ADGRG7: variants seen among roughly 807,000 people sequenced by gnomAD.
The protein encoded by ADGRG7 is adhesion G protein-coupled receptor G7.
In ADGRG7, 82 loss-of-function variants were observed where a neutral mutation model predicts 88.6. That is an observed-to-expected ratio of 0.93 (90% CI 0.77 to 1.11). ADGRG7 has a LOEUF of 1.11. Ranked by LOEUF, ADGRG7 falls within the 50% of genes most tolerant of loss-of-function variation. ADGRG7 has a pLI of 0.00. For missense variants in ADGRG7, 945 were observed against 953.4 expected (o/e 0.99, Z 0.12); for synonymous variants, 381 against 345.2 (o/e 1.10, Z -1.15).
chr3:100,671,399 G>A (rs893357558), intron 15 of ADGRG7, among the ~76,000 whole-genome samples: 1 of 152,246 alleles, frequency 6.6e-6, no homozygotes, highest in Non-Finnish European at 1.5e-5. Context: ...TGATAGCGCT[G>A]TTTGTTTTAT....
intron 4 of ADGRG7, 43 bp downstream of exon 4, chr3:100,633,420 G>T: frequency 8.9e-7 from 1 of 1,117,698 alleles, no homozygotes; most frequent in Non-Finnish European, 1.3e-6. Context: ...AAGAAGTTCT[G>T]ATTCCGTGCA....
At chr3:100,655,755 A>G (rs971742141) in intron 12 of ADGRG7, 144 bp from the exon 13 acceptor site, 64 of 551,062 alleles carry the variant, frequency 1.2e-4, no homozygotes, top group Admixed American at 5.5e-5. Flanking sequence ...GTCGACCCAC[A>G]TCTGTAGGAT....
intron 4 of ADGRG7, among the ~76,000 whole-genome samples, chr3:100,634,913 G>T (rs1336968941): frequency 6.6e-6 from 1 of 152,074 alleles, no homozygotes; most frequent in Non-Finnish European, 1.5e-5. Flanking sequence ...TACTGATTGG[G>T]TATTGTTTCT....
At position 100,669,123 on chromosome 3, in the gene ADGRG7, C is replaced by G. The variant is rs1467275965; in HGVS notation, c.2136+18C>G. 4 of 1,495,440 alleles carry G rather than the reference C, an allele frequency of 2.7e-6. No homozygotes were observed. Among genetic ancestry groups the G allele is most frequent in the Non-Finnish European group, 3.6e-6 (4 of 1,120,816 alleles). The allele number at this position is 1,495,440 out of a possible 1,614,324, so 92.6% of individuals were successfully genotyped here. A position where few individuals can be genotyped will look rare whatever the true frequency, so the allele number is the denominator to read the frequency against. On this transcript the variant is annotated intron_variant, in intron 15 of 15. Transcript: ENST00000273352. Reference sequence around the variant, plus strand: ...CTACACAGGTATGGTGCGGATTAGTCTGAAAGTAGCAGAACACGCAGTGGT... The same window carrying G: ...CTACACAGGTATGGTGCGGATTAGTGTGAAAGTAGCAGAACACGCAGTGGT...
chr3:100,632,453 G>A (rs1472230263), intron 3 of ADGRG7, among the ~76,000 whole-genome samples: 3 of 152,060 alleles, frequency 2.0e-5, no homozygotes, highest in Non-Finnish European at 4.4e-5. Flanking sequence ...ATTTTTGAGT[G>A]GGGATATTTG....
intron 6 of ADGRG7, chr3:100,637,677 T>C (rs1039051597): frequency 1.1e-5 from 4 of 356,258 alleles, no homozygotes; most frequent in African/African-American, 8.4e-5. Context: ...CTCACCTTAG[T>C]TTGGCATGAC....
chr3:100,677,634 T>C (rs1440251414), intron 15 of ADGRG7, among the ~76,000 whole-genome samples: 1 of 152,128 alleles, frequency 6.6e-6, no homozygotes, highest in Non-Finnish European at 1.5e-5. Flanking sequence ...CCCTCAGTTT[T>C]TGTTTGTCTG....
At chr3:100,627,988 C>A (rs954184315) in intron 1 of ADGRG7, among the ~76,000 whole-genome samples, 1 of 151,836 alleles carries the variant, frequency 6.6e-6, no homozygotes, top group Non-Finnish European at 1.5e-5. Context: ...CTTTTTTCTC[C>A]CTGGATTTGA....
chr3:100,618,269 T>G (rs1707254277), intron 1 of ADGRG7, among the ~76,000 whole-genome samples: 1 of 152,174 alleles, frequency 6.6e-6, no homozygotes, highest in African/African-American at 2.4e-5. Flanking sequence ...GCTTTTGGTG[T>G]TTTCGACATG....
chr3:100,645,964 C>T lies in ADGRG7; in HGVS notation c.966C>T (p.Gly322=). The change falls in exon 9 of 16, where the codon GGC becomes GGT. Residue 322 remains glycine, a synonymous_variant. Coordinates refer to ENST00000273352, the MANE Select transcript of ADGRG7 (RefSeq NM_032787.3). The part of the protein sequence containing the change: ...NMTKNYTKTC[G]FVVYQNDKLF... Reference sequence around the variant, plus strand: ...CTATAGATTACACCAAGACATGCGGCTTTGTAGTTTATCAAAATGACAAGC... The same window carrying T: ...CTATAGATTACACCAAGACATGCGGTTTTGTAGTTTATCAAAATGACAAGC... The T allele has an allele frequency of 6.2e-7, 1 of 1,613,896 alleles. No homozygotes were observed. The highest frequency in any genetic ancestry group is 1.3e-5 in the African/African-American group (1 of 74,976).
intron 14 of ADGRG7, among the ~76,000 whole-genome samples, chr3:100,666,509 A>G (rs926677260): frequency 1.3e-5 from 2 of 152,236 alleles, no homozygotes; most frequent in Non-Finnish European, 2.9e-5. Context: ...TGCTGCTCGC[A>G]TGTCCCACCT....
At chr3:100,618,004 T>A (rs567878321) in intron 1 of ADGRG7, among the ~76,000 whole-genome samples, 4 of 152,370 alleles carry the variant, frequency 2.6e-5, no homozygotes, top group African/African-American at 9.6e-5. Context: ...ATTGGCTGCA[T>A]AAATGTCTTC....
At chr3:100,692,645 T>C (rs1388839347) in intron 15 of ADGRG7, among the ~76,000 whole-genome samples, 1 of 152,216 alleles carries the variant, frequency 6.6e-6, no homozygotes, top group African/African-American at 2.4e-5. Flanking sequence ...GTTATTCAGC[T>C]TTACCATTGA....
chr3:100,614,905 A>C (rs531757771), intron 1 of ADGRG7, among the ~76,000 whole-genome samples: 5 of 152,374 alleles, frequency 3.3e-5, no homozygotes, highest in African/African-American at 1.2e-4. Flanking sequence ...TAGTAAAAAC[A>C]TTGAAAATAG....
At chr3:100,618,454 C>T (rs929432748) in intron 1 of ADGRG7, among the ~76,000 whole-genome samples, 11 of 152,182 alleles carry the variant, frequency 7.2e-5, no homozygotes, top group African/African-American at 2.7e-4. Context: ...GTTTTCCCAG[C>T]ACCATTTATT....
intron 10 of ADGRG7, 146 bp from the exon 11 acceptor site, chr3:100,649,549 C>CT: frequency 1.9e-6 from 1 of 521,326 alleles, no homozygotes; most frequent in South Asian, 2.9e-5. Flanking sequence ...ATGTATTTCG[C>CT]TTTTAAATAT....
chr3:100,667,032 T>C (rs2094952715), intron 14 of ADGRG7, among the ~76,000 whole-genome samples: 2 of 151,872 alleles, frequency 1.3e-5, no homozygotes, highest in African/African-American at 2.4e-5. Context: ...CAAAATGGAG[T>C]CTCCTATGTC....
At chr3:100,660,175 A>C (rs2149031406) in intron 14 of ADGRG7, among the ~76,000 whole-genome samples, 1 of 152,378 alleles carries the variant, frequency 6.6e-6, no homozygotes, top group African/African-American at 2.4e-5. Context: ...ATAATTAAAG[A>C]AATGAGAAGG....
At chr3:100,688,554 C>T (rs977175363) in intron 15 of ADGRG7, among the ~76,000 whole-genome samples, 10 of 152,160 alleles carry the variant, frequency 6.6e-5, no homozygotes, top group African/African-American at 2.4e-4. Flanking sequence ...TTGAATGTGT[C>T]CCAGAGATTC....
Sources: gnomAD v4.1 joint callset for allele counts (sites outside exome capture counted in the v4.1 genomes callset) on GRCh38, gnomAD v4.1.1 for gene constraint, MANE v1.5 for transcripts, NCBI Gene and HGNC (gene_info 2026-07-23, HGNC 2026-07-21) for gene names.